The following SIM2 variants were observed in gnomAD, a reference collection of about 807,000 sequenced individuals.
The protein encoded by SIM2 is single-minded homolog 2.
In SIM2, 28 loss-of-function variants were observed where a neutral mutation model predicts 64.8. The ratio of observed to expected loss-of-function variants is 0.43; its 90% CI spans 0.32 to 0.59. The LOEUF (loss-of-function observed/expected upper bound fraction) is 0.59, where lower values mean the gene tolerates loss of function less well. Ranked by LOEUF, SIM2 falls within the 20% of genes least tolerant of loss-of-function variation. SIM2 has a pLI of 0.07. For synonymous variants in SIM2, 408 were observed against 391.1 expected (o/e 1.04, Z -0.51); for missense variants, 847 against 871.4 (o/e 0.97, Z 0.35).
intron 1 of SIM2, among the ~76,000 whole-genome samples, chr21:36,707,897 C>A (rs1188190225): frequency 6.6e-6 from 1 of 151,744 alleles, no homozygotes; most frequent in Non-Finnish European, 1.5e-5. Flanking sequence ...GGGCTCCTGC[C>A]TTTGGTTCAG....
At chr21:36,724,211 T>C (rs922405891) in intron 5 of SIM2, among the ~76,000 whole-genome samples, 1 of 152,248 alleles carries the variant, frequency 6.6e-6, no homozygotes, top group African/African-American at 2.4e-5. Flanking sequence ...TCTTCCTTTT[T>C]GTCCCAGATA....
chr21:36,740,035 GAAAGAAAGAAA>G (rs2089139741), intron 7 of SIM2, among the ~76,000 whole-genome samples: 2 of 142,296 alleles, frequency 1.4e-5, no homozygotes, highest in African/African-American at 2.6e-5. Flanking sequence ...AAGAAAGAAA[GAAAGAAAGAAA>G]GAAAGAAAGA....
chr21:36,716,759 T>G (rs2088751856), intron 3 of SIM2, among the ~76,000 whole-genome samples: 1 of 152,236 alleles, frequency 6.6e-6, no homozygotes, highest in East Asian at 1.9e-4. Context: ...CTATCCATTT[T>G]GTAGTTAGCA....
intron 7 of SIM2, among the ~76,000 whole-genome samples, chr21:36,736,141 G>A (rs1405661560): frequency 3.3e-5 from 5 of 152,140 alleles, no homozygotes; most frequent in Admixed American, 2.6e-4. Context: ...GAGGTAGCCA[G>A]CAGTGACAGC....
chr21:36,709,214 C>G lies in SIM2; in HGVS notation c.222C>G (p.Asp74Glu). ...AGCCGAGCCGCGCCGGGCCCCTGGA[C>G]GGCGTCGCCAAGGAGCTGGGATCGC... ...WGQPSRAGPL[D>E]GVAKELGSHL... is the part of the protein sequence containing the mutation. Residue 74 changes from aspartate to glutamate, a missense_variant, in exon 2 of 11, where the codon GAC becomes GAG. Transcript: ENST00000290399. 1 of 1,610,358 alleles carries G rather than the reference C, an allele frequency of 6.2e-7. No individual in the cohort carries two copies. Among genetic ancestry groups the G allele is most frequent in the South Asian group, 1.1e-5 (1 of 90,454 alleles).
intron 1 of SIM2, among the ~76,000 whole-genome samples, chr21:36,707,546 A>G (rs543369507): frequency 6.6e-6 from 1 of 152,202 alleles, no homozygotes; most frequent in African/African-American, 2.4e-5. Flanking sequence ...GCCCAGGAGG[A>G]GAAATTAAAG....
chr21:36,725,367 ATTGT>A (rs2088876673), intron 5 of SIM2, among the ~76,000 whole-genome samples: 1 of 152,140 alleles, frequency 6.6e-6, no homozygotes, highest in Non-Finnish European at 1.5e-5. Flanking sequence ...TACGGAAAGA[ATTGT>A]TTATTTACTG....
In SIM2 at chr21:36,731,177, C is replaced by T. The variant is rs368492200; in HGVS notation, c.850+26C>T. 63 of 1,576,436 alleles carry T rather than the reference C, an allele frequency of 4.0e-5. No homozygotes were observed. The East Asian group carries it at 7.4e-4, about 18-fold the overall frequency. On this transcript the variant is annotated intron_variant, in intron 7 of 10. Coordinates refer to ENST00000290399, the MANE Select transcript of SIM2 (RefSeq NM_005069.6). The stretch of plus-strand genomic sequence containing the variant: ...GTGAGTAGCACGCCCACCCCAGCCA[C>T]GGGAGGTAGCTGGTCAGGGAGGAGG...
At chr21:36,721,591 C>A (rs1601696390) in intron 4 of SIM2, among the ~76,000 whole-genome samples, 1 of 152,132 alleles carries the variant, frequency 6.6e-6, no homozygotes, top group African/African-American at 2.4e-5. Context: ...CAGGTGCCTG[C>A]CACCACGCCT....
At position 36,748,575 on chromosome 21, in the gene SIM2, T is replaced by C. The variant is rs1418485052; in HGVS notation, c.*483T>C. 1 of 152,250 alleles carries C rather than the reference T, an allele frequency of 6.6e-6. No individual in the cohort carries two copies. The highest frequency in any genetic ancestry group is 1.5e-5 in the Non-Finnish European group (1 of 68,046). 9.4% of individuals were successfully genotyped at this position (152,250 alleles called of 1,614,324 possible). A position where few individuals can be genotyped will look rare whatever the true frequency, so the allele number is the denominator to read the frequency against. ...CTTAGGTGAAGGCAGAAGTGATGAT[T>C]GTAAGTCCCATGAATACACAACTCC... On this transcript the variant is annotated 3_prime_UTR_variant, in exon 11 of 11. Transcript: ENST00000290399.
Position 36,747,581 on chromosome 21 carries a change from G to C in SIM2, c.1577-84G>C, listed in dbSNP as rs1312794995. ...GGTGCAGCGCGTGGGCGGCCGAGGG[G>C]TGGTGGCTGCGCCCGGGGCTTGGGG... On this transcript the variant is annotated intron_variant, in intron 10 of 10. Coordinates refer to ENST00000290399, the MANE Select transcript of SIM2 (RefSeq NM_005069.6). This position sits in a 1 kb window ranked among gnomAD's most constrained non-coding sequence, Gnocchi z 4.5. The C allele has an allele frequency of 1.3e-4, 127 of 1,012,302 alleles. 5 individuals are homozygous for C. The South Asian group carries it at 3.2e-3, about 26-fold the overall frequency. The allele number at this position is 1,012,302 out of a possible 1,614,324, so 62.7% of individuals were successfully genotyped here. A position where few individuals can be genotyped will look rare whatever the true frequency, so the allele number is the denominator to read the frequency against.
intron 9 of SIM2, 37 bp from the exon 10 acceptor site, chr21:36,744,691 C>T (rs1356402107): frequency 6.5e-7 from 1 of 1,527,428 alleles, no homozygotes; most frequent in Non-Finnish European, 8.8e-7. Flanking sequence ...CCTGCCGGCC[C>T]CTCGCTGGCC....
chr21:36,734,185 T>C (rs972488924), intron 7 of SIM2, among the ~76,000 whole-genome samples: 5 of 152,160 alleles, frequency 3.3e-5, no homozygotes, highest in African/African-American at 1.2e-4. Context: ...GTGGCTGTTC[T>C]GTAGGATCCC....
intron 7 of SIM2, among the ~76,000 whole-genome samples, chr21:36,736,233 G>T (rs1486634585): frequency 6.6e-6 from 1 of 152,156 alleles, no homozygotes. Flanking sequence ...AGGTCACCGA[G>T]AGCAGGAACA....
In SIM2 at chr21:36,748,027, TCCCCGCCCGGCGCGCCC is replaced by T; in HGVS notation, c.1941_1957del (p.Pro648AlafsTer45). ...CCGGCACCCGAGCCCCGCCGCCACC[TCCCCGCCCGGCGCGCCC>T]CTGCCGCACTACCTGGGCGCCTCGG... On this transcript the variant is annotated frameshift_variant, in exon 11 of 11. Coordinates refer to ENST00000290399, the MANE Select transcript of SIM2 (RefSeq NM_005069.6). LOFTEE classifies it high-confidence loss of function. The T allele has an allele frequency of 8.5e-7, 1 of 1,178,848 alleles. No homozygotes were observed. Among genetic ancestry groups the T allele is most frequent in the Middle Eastern group, 3.5e-4 (1 of 2,870 alleles). The allele number at this position is 1,178,848 out of a possible 1,614,324, so 73.0% of individuals were successfully genotyped here. A position where few individuals can be genotyped will look rare whatever the true frequency, so the allele number is the denominator to read the frequency against.
intron 1 of SIM2, among the ~76,000 whole-genome samples, chr21:36,702,875 C>G (rs1205248530): frequency 6.8e-6 from 1 of 147,712 alleles, no homozygotes; most frequent in Admixed American, 6.9e-5. Context: ...CAAGGGCGGT[C>G]TTGTCTCAAA....
At chr21:36,708,654 G>A (rs867044295) in intron 1 of SIM2, among the ~76,000 whole-genome samples, 2 of 152,166 alleles carry the variant, frequency 1.3e-5, no homozygotes, top group South Asian at 4.2e-4. Flanking sequence ...TTTTATGCGG[G>A]AGGAGCTGCC....
At chr21:36,724,995 A>G (rs1285647060) in intron 5 of SIM2, among the ~76,000 whole-genome samples, 2 of 152,200 alleles carry the variant, frequency 1.3e-5, no homozygotes, top group Admixed American at 1.3e-4. Context: ...ATGAGGAAAT[A>G]AAATCTTGAA....
intron 3 of SIM2, among the ~76,000 whole-genome samples, chr21:36,717,198 A>T (rs750232021): frequency 6.6e-6 from 1 of 152,148 alleles, no homozygotes; most frequent in African/African-American, 2.4e-5. Flanking sequence ...TTAAAACGCA[A>T]ATCTAACCCT....
Sources: allele counts gnomAD v4.1 joint callset (sites outside exome capture counted in the v4.1 genomes callset), GRCh38; gene constraint gnomAD v4.1.1; non-coding constraint Gnocchi (gnomAD v3.1); transcripts MANE v1.5; gene names NCBI Gene and HGNC (gene_info 2026-07-23, HGNC 2026-07-21).